The following SAMMSON variants were observed in gnomAD, a reference collection of about 807,000 sequenced individuals.
SAMMSON encodes survival associated mitochondrial melanoma specific oncogenic non-coding RNA.
At chr3:70,130,779 T>G (rs1288543534) in intron 4 of SAMMSON, among the ~76,000 whole-genome samples, 1 of 152,132 alleles carries the variant, frequency 6.6e-6, no homozygotes, top group Non-Finnish European at 1.5e-5. Context: ...GAATGAACTT[T>G]TAGATGATCA....
chr3:70,121,164 G>T (rs536483465), intron 4 of SAMMSON, among the ~76,000 whole-genome samples: 1 of 152,264 alleles, frequency 6.6e-6, no homozygotes, highest in East Asian at 1.9e-4. Context: ...CTGCTGATCC[G>T]ACAGGAGGCG....
intron 1 of SAMMSON, chr3:70,009,001 G>T (rs1441293151): frequency 1.3e-5 from 2 of 152,176 alleles, no homozygotes; most frequent in East Asian, 3.8e-4. Context: ...ACGTGATCAT[G>T]GTGGATAAGC....
At position 70,290,515 on chromosome 3, in the gene SAMMSON, TTGTC is replaced by T. The variant is rs1329255867; in HGVS notation, n.675-660_675-657del. ...GCAGAGGTTATGGCTGTCTTTTTGT[TTGTC>T]TGTGCCCTGCCCCCAGAGGTGGAGC... On this transcript the variant is annotated intron_variant and non_coding_transcript_variant, in intron 6 of 9. Coordinates refer to ENST00000642114, the Ensembl canonical transcript of SAMMSON. 2.0e-5 allele frequency among the ~76,000 whole-genome samples: 3 copies of T among 152,320 alleles called. No individual in the cohort carries two copies. In the East Asian group the frequency reaches 5.8e-4, roughly 29 times the overall value.
At chr3:70,178,571 C>T (rs1264495121) in intron 4 of SAMMSON, among the ~76,000 whole-genome samples, 2 of 152,134 alleles carry the variant, frequency 1.3e-5, no homozygotes, top group Non-Finnish European at 2.9e-5. Context: ...TGGGGCATGG[C>T]ACTATGAAGG....
At chr3:70,020,502 A>G (rs899533806) in intron 3 of SAMMSON, among the ~76,000 whole-genome samples, 12 of 152,178 alleles carry the variant, frequency 7.9e-5, no homozygotes, top group Admixed American at 1.3e-4. Flanking sequence ...CAACAGAACC[A>G]GGCCTGGCTG....
intron 6 of SAMMSON, among the ~76,000 whole-genome samples, chr3:70,287,991 G>C (rs1366298189): frequency 2.0e-5 from 3 of 151,564 alleles, no homozygotes; most frequent in Non-Finnish European, 2.9e-5. Flanking sequence ...CTCTTTTGTT[G>C]ATCCTTTCAA....
chr3:70,017,435 T>C (rs965792847), intron 3 of SAMMSON, among the ~76,000 whole-genome samples: 2 of 152,144 alleles, frequency 1.3e-5, no homozygotes, highest in Non-Finnish European at 2.9e-5. Context: ...ATTGAATTTG[T>C]ATCCTGAGAC....
chr3:70,328,537 T>A (rs760222216), intron 7 of SAMMSON, among the ~76,000 whole-genome samples: 1 of 151,888 alleles, frequency 6.6e-6, no homozygotes, highest in African/African-American at 2.4e-5. Context: ...AAAACAAAAA[T>A]GAGTTGGATA....
chr3:70,207,898 C>G (rs1017089264), intron 4 of SAMMSON, among the ~76,000 whole-genome samples: 1 of 151,960 alleles, frequency 6.6e-6, no homozygotes, highest in African/African-American at 2.4e-5. Flanking sequence ...ATTCTCCTGC[C>G]ATGTAATGAT....
chr3:70,434,567 G>C (rs895436653), intron 2 of SAMMSON, among the ~76,000 whole-genome samples: 5 of 144,032 alleles, frequency 3.5e-5, no homozygotes, highest in African/African-American at 1.4e-4. Flanking sequence ...TGTGAATAAA[G>C]ACATTTTTTT....
chr3:70,097,523 A>G (rs781053066), intron 4 of SAMMSON, among the ~76,000 whole-genome samples: 2 of 152,312 alleles, frequency 1.3e-5, no homozygotes, highest in Non-Finnish European at 1.5e-5. Flanking sequence ...TTCAGCCCAA[A>G]CCCTAGTTTA....
At chr3:70,147,422 G>A (rs2067553450) in intron 4 of SAMMSON, among the ~76,000 whole-genome samples, 1 of 151,980 alleles carries the variant, frequency 6.6e-6, no homozygotes, top group Admixed American at 6.6e-5. Context: ...TGGACTTACT[G>A]TATAGCTGCA....
chr3:70,161,200 T>C (rs1254863155), intron 4 of SAMMSON, among the ~76,000 whole-genome samples: 1 of 152,012 alleles, frequency 6.6e-6, no homozygotes, highest in Non-Finnish European at 1.5e-5. Flanking sequence ...GGCTTAAACT[T>C]CCAGTACATT....
chr3:70,317,222 G>A (rs1203629470), intron 7 of SAMMSON, among the ~76,000 whole-genome samples: 2 of 151,904 alleles, frequency 1.3e-5, no homozygotes, highest in South Asian at 2.1e-4. Flanking sequence ...AGGCTTACAG[G>A]CATATCTTAT....
chr3:70,212,872 C>T lies in SAMMSON; in HGVS notation n.508-36235C>T, dbSNP rs77248799. ...GTGGTGGTGCAATCACAGTTCACTG[C>T]AGCTTCAACCTCCCAGACTCAGGTG... On this transcript the variant is annotated intron_variant and non_coding_transcript_variant, in intron 4 of 9. Transcript: ENST00000642114. 4.6e-3 allele frequency among the ~76,000 whole-genome samples: 707 copies of T among 152,150 alleles called. 3 individuals are homozygous for T. The highest frequency in any genetic ancestry group is 0.016 in the African/African-American group (667 of 41,524).
At chr3:70,196,855 A>C (rs1576151162) in intron 4 of SAMMSON, 1 of 397,884 alleles carries the variant, frequency 2.5e-6, no homozygotes, top group Admixed American at 4.4e-5. Flanking sequence ...AGCACATGGA[A>C]ATCAGTCTTG....
At chr3:70,096,594 T>C (rs973830949) in intron 4 of SAMMSON, among the ~76,000 whole-genome samples, 1 of 152,104 alleles carries the variant, frequency 6.6e-6, no homozygotes, top group African/African-American at 2.4e-5. Flanking sequence ...TGACTAATCC[T>C]GAAAGTGACA....
chr3:70,094,528 C>T (rs965416796), intron 4 of SAMMSON: 1 of 152,258 alleles, frequency 6.6e-6, no homozygotes, highest in African/African-American at 2.4e-5. Flanking sequence ...ATGTCTCAGT[C>T]CCACCCTGAA....
chr3:70,142,945 A>G (rs1321773920), intron 4 of SAMMSON, among the ~76,000 whole-genome samples: 1 of 152,156 alleles, frequency 6.6e-6, no homozygotes, highest in Non-Finnish European at 1.5e-5. Context: ...GAAGCCCTTC[A>G]TCTCATTAGA....
Sources: allele counts gnomAD v4.1 joint callset (sites outside exome capture counted in the v4.1 genomes callset), GRCh38; gene constraint gnomAD v4.1.1; transcripts MANE v1.5; gene names NCBI Gene and HGNC (gene_info 2026-07-23, HGNC 2026-07-21).